The following KCNMA1 variants were observed in gnomAD, a reference collection of about 807,000 sequenced individuals.
KCNMA1 encodes potassium calcium-activated channel subfamily M alpha 1.
In KCNMA1, 29 loss-of-function variants were observed where a neutral mutation model predicts 140.0. The observed-to-expected ratio is 0.21, with a 90% CI of 0.15 to 0.28. The LOEUF (loss-of-function observed/expected upper bound fraction) is 0.28, where lower values mean the gene tolerates loss of function less well. KCNMA1 is among the 10% of genes least tolerant of loss of function. The pLI, the probability that KCNMA1 is intolerant of heterozygous loss-of-function variation, is 1.00. For missense variants in KCNMA1, 880 were observed against 1,602.2 expected (o/e 0.55, Z 7.70); for synonymous variants, 612 against 611.9 (o/e 1.00, Z 0.00).
intron 5 of KCNMA1, among the ~76,000 whole-genome samples, chr10:77,132,338 A>G (rs1403012469): frequency 1.3e-5 from 2 of 152,168 alleles, no homozygotes; most frequent in Non-Finnish European, 2.9e-5. Context: ...AGTGCAAAAG[A>G]AAAACTAAGA....
intron 19 of KCNMA1, among the ~76,000 whole-genome samples, chr10:77,000,900 A>ATATATATC (rs1412998914): frequency 3.9e-5 from 5 of 128,786 alleles, no homozygotes; most frequent in African/African-American, 1.5e-4. Flanking sequence ...ATATATATAT[A>ATATATATC]TCCATCTGCA....
intron 20 of KCNMA1, among the ~76,000 whole-genome samples, chr10:76,969,330 G>GAAGGAAGGAAGGAAGGAAGGAAGGAAGT (rs2075299447): frequency 6.6e-6 from 1 of 150,638 alleles, no homozygotes; most frequent in Non-Finnish European, 1.5e-5. Flanking sequence ...AGGAAGGAAG[G>GAAGGAAGGAAGGAAGGAAGGAAGGAAGT]GAGGAAAGGA....
chr10:77,563,423 A>C (rs368435876), intron 1 of KCNMA1, among the ~76,000 whole-genome samples: 103 of 152,074 alleles, frequency 6.8e-4, no homozygotes, highest in African/African-American at 2.3e-3. Flanking sequence ...CCATTTTTTC[A>C]TTACCCATCC....
intron 2 of KCNMA1, among the ~76,000 whole-genome samples, chr10:77,401,710 T>C (rs2096273229): frequency 6.6e-6 from 1 of 152,246 alleles, no homozygotes; most frequent in African/African-American, 2.4e-5. Flanking sequence ...TTTTCTTGTG[T>C]TTAAGCCTGG....
rs550687500 is a variant in KCNMA1, at chr10:76,896,090, G to C, written c.3148-4371C>G. On this transcript the variant is annotated intron_variant, in intron 25 of 27. Transcript: ENST00000286628. ...AACCGGTCTGACTAGAATTTGCCGG[G>C]CTGGAATTTCCTAATCCTAGCAAGC... Among the ~76,000 whole-genome samples the C allele has an allele frequency of 1.8e-4, 27 of 152,334 alleles. No individual in the cohort carries two copies. In the South Asian group the frequency reaches 5.4e-3, roughly 30 times the overall value.
At chr10:76,913,171 T>C (rs2051080396) in intron 24 of KCNMA1, 1 of 152,182 alleles carries the variant, frequency 6.6e-6, no homozygotes, top group Admixed American at 6.5e-5. Flanking sequence ...TGAAGGCAGG[T>C]GCTCCCACCT....
At chr10:76,998,104 T>C (rs2084974755) in intron 19 of KCNMA1, among the ~76,000 whole-genome samples, 1 of 152,194 alleles carries the variant, frequency 6.6e-6, no homozygotes, top group Non-Finnish European at 1.5e-5. Flanking sequence ...ACTATCATAA[T>C]AGCACATGAC....
intron 1 of KCNMA1, among the ~76,000 whole-genome samples, chr10:77,513,286 C>G (rs1244527819): frequency 6.6e-6 from 1 of 152,218 alleles, no homozygotes; most frequent in Non-Finnish European, 1.5e-5. Context: ...TGGCTGGCTT[C>G]CTCTGAGTTC....
At chr10:77,618,386 G>A (rs921214625) in intron 1 of KCNMA1, among the ~76,000 whole-genome samples, 6 of 152,048 alleles carry the variant, frequency 3.9e-5, no homozygotes, top group Non-Finnish European at 5.9e-5. Flanking sequence ...TGATTCCATC[G>A]CCACTGCACA....
intron 1 of KCNMA1, among the ~76,000 whole-genome samples, chr10:77,579,915 G>A (rs2154562686): frequency 6.6e-6 from 1 of 152,306 alleles, no homozygotes; most frequent in South Asian, 2.1e-4. Flanking sequence ...CAATTGAATT[G>A]AATGCCAAAT....
chr10:77,006,990 C>T (rs2088998642), intron 18 of KCNMA1, among the ~76,000 whole-genome samples: 3 of 152,212 alleles, frequency 2.0e-5, no homozygotes, highest in South Asian at 4.1e-4. Context: ...GATCAACTTG[C>T]CTCTTTTGCT....
intron 2 of KCNMA1, among the ~76,000 whole-genome samples, chr10:77,340,880 A>G (rs2090718284): frequency 6.6e-6 from 1 of 152,080 alleles, no homozygotes; most frequent in Non-Finnish European, 1.5e-5. Context: ...TGCCAAAAAA[A>G]AAAAAAAGAG....
chr10:77,007,653 G>GTATATATATA (rs60937323), intron 18 of KCNMA1, among the ~76,000 whole-genome samples: 1,335 of 88,410 alleles, frequency 0.015, 34 homozygotes, highest in African/African-American at 0.038. Context: ...TTGTGTGTGT[G>GTATATATATA]TATATATATA....
At position 77,319,562 on chromosome 10, in the gene KCNMA1, T is replaced by C. The variant is rs369857578; in HGVS notation, c.541-68306A>G. Reference sequence around the variant, plus strand: ...TAGAGCAGTCTTCACCCCTTGTAGATGTCATTAAGGATATTCACAAATACT... The same window carrying C: ...TAGAGCAGTCTTCACCCCTTGTAGACGTCATTAAGGATATTCACAAATACT... On this transcript the variant is annotated intron_variant, in intron 2 of 27. Transcript: ENST00000286628. Among the ~76,000 whole-genome samples the C allele has an allele frequency of 2.6e-5, 4 of 152,322 alleles. No individual in the cohort carries two copies. In the East Asian group the frequency reaches 5.8e-4, roughly 22 times the overall value.
At chr10:77,496,565 G>A (rs1209663314) in intron 1 of KCNMA1, among the ~76,000 whole-genome samples, 1 of 130,478 alleles carries the variant, frequency 7.7e-6, no homozygotes, top group Non-Finnish European at 1.6e-5. Flanking sequence ...CCACTGCACT[G>A]CAGCCTGGGT....
chr10:77,521,245 C>A (rs185500223), intron 1 of KCNMA1, among the ~76,000 whole-genome samples: 2 of 152,272 alleles, frequency 1.3e-5, no homozygotes, highest in East Asian at 3.9e-4. Context: ...CAGGGGGACA[C>A]CTTTGTGTCA....
chr10:77,340,226 G>A (rs1014880917), intron 2 of KCNMA1, among the ~76,000 whole-genome samples: 52 of 152,202 alleles, frequency 3.4e-4, no homozygotes, highest in Non-Finnish European at 6.2e-4. Context: ...GTGCTGGAGA[G>A]GATGTGGAGA....
chr10:77,338,201 T>C (rs928463583), intron 2 of KCNMA1, among the ~76,000 whole-genome samples: 8 of 152,102 alleles, frequency 5.3e-5, no homozygotes, highest in Non-Finnish European at 8.8e-5. Context: ...CTTTCGGAGA[T>C]TTCCTCCACA....
intron 22 of KCNMA1, among the ~76,000 whole-genome samples, chr10:76,945,903 A>G (rs970218960): frequency 6.6e-6 from 1 of 152,202 alleles, no homozygotes; most frequent in African/African-American, 2.4e-5. Flanking sequence ...TAATAATGGT[A>G]ATTCCCTCTG....
Sources: allele counts gnomAD v4.1 joint callset (sites outside exome capture counted in the v4.1 genomes callset), GRCh38; gene constraint gnomAD v4.1.1; transcripts MANE v1.5; gene names NCBI Gene and HGNC (gene_info 2026-07-23, HGNC 2026-07-21).